The following CSMD1 variants were observed in gnomAD, a reference collection of about 807,000 sequenced individuals.
The protein encoded by CSMD1 is CUB and Sushi multiple domains 1.
A neutral mutation model predicts 417.5 loss-of-function variants in CSMD1; 213 were observed. The observed-to-expected ratio is 0.51, with a 90% CI of 0.46 to 0.57. The LOEUF (loss-of-function observed/expected upper bound fraction) is 0.57. Ranked by LOEUF, CSMD1 falls within the 20% of genes least tolerant of loss-of-function variation. The pLI is 0.00. For missense variants in CSMD1, 6,923 were observed against 4,529.7 expected (o/e 1.53, Z -15.17); for synonymous variants, 2,862 against 1,736.8 (o/e 1.65, Z -16.11).
chr8:3,853,938 A>AAGTATAATATATTAATATATTAT (rs1563147139), intron 5 of CSMD1, among the ~76,000 whole-genome samples: 1 of 146,928 alleles, frequency 6.8e-6, no homozygotes, highest in African/African-American at 2.5e-5. Context: ...TAATATATTA[A>AAGTATAATATATTAATATATTAT]AGTATAATAT....
chr8:4,196,427 C>T (rs1799344441), intron 3 of CSMD1, among the ~76,000 whole-genome samples: 1 of 152,152 alleles, frequency 6.6e-6, no homozygotes, highest in Non-Finnish European at 1.5e-5. Context: ...TTTCAGGCTA[C>T]AGTCCTTTCT....
chr8:4,951,499 A>G (rs1378736020), intron 1 of CSMD1, among the ~76,000 whole-genome samples: 1 of 151,754 alleles, frequency 6.6e-6, no homozygotes, highest in Non-Finnish European at 1.5e-5. Context: ...GAACAGGGAA[A>G]GGGAAAGAGG....
intron 49 of CSMD1, among the ~76,000 whole-genome samples, chr8:3,082,633 G>C (rs1296999933): frequency 3.9e-5 from 6 of 152,210 alleles, no homozygotes; most frequent in Admixed American, 6.5e-5. Context: ...AAAGAAAACA[G>C]CCATAACTTC....
chr8:4,531,977 C>T (rs1441139690), intron 2 of CSMD1, among the ~76,000 whole-genome samples: 1 of 88,780 alleles, frequency 1.1e-5, no homozygotes, highest in Non-Finnish European at 3.2e-5. Context: ...CATTCAGTCA[C>T]TCCGAAAGAG....
chr8:4,048,103 G>C (rs934689824), intron 3 of CSMD1, among the ~76,000 whole-genome samples: 9 of 152,124 alleles, frequency 5.9e-5, no homozygotes, highest in African/African-American at 2.2e-4. Flanking sequence ...TCTCAGGGTA[G>C]ACCCCGACTG....
chr8:3,720,184 T>G (rs1221733289), intron 6 of CSMD1, among the ~76,000 whole-genome samples: 1 of 152,150 alleles, frequency 6.6e-6, no homozygotes, highest in Non-Finnish European at 1.5e-5. Context: ...GGGATGAACC[T>G]CTCCACTCCC....
chr8:4,132,425 A>C (rs146224837), intron 3 of CSMD1, among the ~76,000 whole-genome samples: 136 of 152,234 alleles, frequency 8.9e-4, no homozygotes, highest in African/African-American at 3.1e-3. Context: ...TACCCATAGA[A>C]ACTATTTTTA....
At chr8:4,471,960 G>A (rs1563212171) in intron 2 of CSMD1, among the ~76,000 whole-genome samples, 1 of 152,098 alleles carries the variant, frequency 6.6e-6, no homozygotes, top group Admixed American at 6.6e-5. Flanking sequence ...CAGTGAATAG[G>A]AAGCCTTCTA....
intron 49 of CSMD1, among the ~76,000 whole-genome samples, chr8:3,069,195 G>A (rs1482932870): frequency 1.3e-5 from 2 of 152,126 alleles, no homozygotes; most frequent in African/African-American, 4.8e-5. Flanking sequence ...CAGCACTTTG[G>A]TAGGCTGAGG....
At chr8:4,382,871 C>T (rs917876591) in intron 3 of CSMD1, among the ~76,000 whole-genome samples, 3 of 152,050 alleles carry the variant, frequency 2.0e-5, no homozygotes, top group East Asian at 1.9e-4. Flanking sequence ...GAGCTCAAGG[C>T]GCAGTAAGAT....
chr8:4,223,164 G>T, intron 3 of CSMD1, among the ~76,000 whole-genome samples: 1 of 151,998 alleles, frequency 6.6e-6, no homozygotes, highest in South Asian at 2.1e-4. Flanking sequence ...GCCACCCAGA[G>T]GAGCCTCCGG....
intron 10 of CSMD1, among the ~76,000 whole-genome samples, chr8:3,561,100 C>G (rs1314185798): frequency 6.6e-6 from 1 of 152,160 alleles, no homozygotes; most frequent in Admixed American, 6.5e-5. Flanking sequence ...GAGATGCCAC[C>G]TCACACCAGT....
intron 7 of CSMD1, chr8:3,704,640 A>C (rs2624101): frequency 0.45 from 69,104 of 152,090 alleles, 15,821 homozygotes; most frequent in East Asian, 0.57. Flanking sequence ...CTCGCTTATT[A>C]AACTTTCACT....
intron 3 of CSMD1, among the ~76,000 whole-genome samples, chr8:4,100,301 T>G (rs1321566856): frequency 6.6e-6 from 1 of 152,194 alleles, no homozygotes; most frequent in Non-Finnish European, 1.5e-5. Context: ...ATTAGTATCT[T>G]TTACCAAATG....
chr8:4,163,695 T>C (rs1285586214), intron 3 of CSMD1, among the ~76,000 whole-genome samples: 2 of 152,144 alleles, frequency 1.3e-5, no homozygotes, highest in Non-Finnish European at 2.9e-5. Context: ...ATATAAATAA[T>C]AAAATTTTTT....
At chr8:3,857,509 T>C (rs973200360) in intron 5 of CSMD1, among the ~76,000 whole-genome samples, 5 of 152,106 alleles carry the variant, frequency 3.3e-5, no homozygotes, top group African/African-American at 1.2e-4. Context: ...AGTCCAGAAA[T>C]AGTAGATGAT....
intron 2 of CSMD1, among the ~76,000 whole-genome samples, chr8:4,421,651 T>G (rs2128940650): frequency 6.6e-6 from 1 of 151,956 alleles, no homozygotes; most frequent in Admixed American, 6.6e-5. Context: ...AAATATAAAA[T>G]ACAACATATT....
intron 1 of CSMD1, among the ~76,000 whole-genome samples, chr8:4,665,889 T>C (rs993012138): frequency 6.6e-6 from 1 of 152,216 alleles, no homozygotes; most frequent in Non-Finnish European, 1.5e-5. Context: ...CCTTGCAGGA[T>C]TGTATAGTAG....
chr8:2,986,800 G>A (rs968055195), intron 54 of CSMD1, among the ~76,000 whole-genome samples: 6 of 152,186 alleles, frequency 3.9e-5, no homozygotes, highest in African/African-American at 1.2e-4. Context: ...CACCGCGCCC[G>A]GCTCTCTAGT....
Sources: gnomAD v4.1 joint callset for allele counts (sites outside exome capture counted in the v4.1 genomes callset) on GRCh38, gnomAD v4.1.1 for gene constraint, MANE v1.5 for transcripts, NCBI Gene and HGNC (gene_info 2026-07-23, HGNC 2026-07-21) for gene names.